DLG1: variants seen among roughly 807,000 people sequenced by gnomAD.
DLG1 encodes the protein disks large homolog 1.
Under a neutral mutation model 123.4 loss-of-function variants are expected in DLG1, and 42 were observed. The ratio of observed to expected loss-of-function variants is 0.34; its 90% CI spans 0.27 to 0.44. DLG1 has a LOEUF of 0.44. DLG1 is among the 20% of genes least tolerant of loss of function. The probability of loss-of-function intolerance (pLI) is 1.00; values close to 1 mark genes in which losing one functional copy is unlikely to be tolerated. For synonymous variants in DLG1, 317 were observed against 356.2 expected (o/e 0.89, Z 1.24); for missense variants, 942 against 1,082.6 (o/e 0.87, Z 1.82).
intron 4 of DLG1, among the ~76,000 whole-genome samples, chr3:197,247,454 T>C (rs925812781): frequency 3.9e-5 from 6 of 152,120 alleles, no homozygotes; most frequent in Non-Finnish European, 8.8e-5. Context: ...AGCTGGTTTC[T>C]GGCTTGCCCC....
At chr3:197,069,330 A>G in intron 18 of DLG1, 70 bp from the exon 19 acceptor site, 1 of 1,087,570 alleles carries the variant, frequency 9.2e-7, no homozygotes, top group East Asian at 2.8e-5. Flanking sequence ...ATCAAAATGA[A>G]ATGTTGAGAT....
chr3:197,088,377 G>C (rs77433729), intron 15 of DLG1, among the ~76,000 whole-genome samples: 6,152 of 152,196 alleles, frequency 0.04, 178 homozygotes, highest in Non-Finnish European at 0.054. Context: ...GGGAGCTCCT[G>C]CAAAATAAAA....
chr3:197,155,635 A>C (rs59924983), intron 5 of DLG1, among the ~76,000 whole-genome samples: 1,648 of 152,226 alleles, frequency 0.011, 32 homozygotes, highest in African/African-American at 0.037. Flanking sequence ...AAAAAAAAAA[A>C]AAACTTAGCC....
chr3:197,130,247 C>T (rs956020971), intron 11 of DLG1, among the ~76,000 whole-genome samples: 2 of 152,032 alleles, frequency 1.3e-5, no homozygotes, highest in African/African-American at 4.8e-5. Context: ...TCAATATTTG[C>T]AAATGTTCTT....
At chr3:197,245,121 T>G (rs2150780638) in intron 4 of DLG1, among the ~76,000 whole-genome samples, 1 of 152,306 alleles carries the variant, frequency 6.6e-6, no homozygotes, top group Non-Finnish European at 1.5e-5. Flanking sequence ...AGGGTTTGGT[T>G]CATTCTTTCT....
At chr3:197,169,056 T>G (rs12487014) in intron 5 of DLG1, among the ~76,000 whole-genome samples, 20,967 of 152,260 alleles carry the variant, frequency 0.14, 1,825 homozygotes, top group South Asian at 0.35. Flanking sequence ...AGCTTTATAT[T>G]TTAAATCTAA....
chr3:197,124,891 T>A (rs773048098), intron 11 of DLG1, among the ~76,000 whole-genome samples: 1 of 152,128 alleles, frequency 6.6e-6, no homozygotes, highest in East Asian at 1.9e-4. Flanking sequence ...TATGTAAACA[T>A]GTTCGTGTGC....
Position 197,244,635 on chromosome 3 carries a change from G to A in DLG1, c.318+38044C>T, listed in dbSNP as rs192446295. Reference sequence around the variant, plus strand: ...CTTTAGCTTGGTAGGAATTGGTCTCGGAACAATAGCGCATGACTTTGAAGA... The same window carrying A: ...CTTTAGCTTGGTAGGAATTGGTCTCAGAACAATAGCGCATGACTTTGAAGA... On this transcript the variant is annotated intron_variant, in intron 4 of 24. Transcript: ENST00000667157. Among the ~76,000 whole-genome samples, 100 of 151,812 alleles carry A rather than the reference G, an allele frequency of 6.6e-4. 1 individual carries two copies. Among genetic ancestry groups the A allele is most frequent in the African/African-American group, 9.9e-4 (41 of 41,364 alleles).
intron 4 of DLG1, among the ~76,000 whole-genome samples, chr3:197,261,061 C>CA (rs930995813): frequency 1.3e-4 from 20 of 151,670 alleles, no homozygotes; most frequent in East Asian, 1.9e-4. Flanking sequence ...CCCCACACAC[C>CA]AAAAAAAACC....
At chr3:197,056,168 A>G (rs1560357144) in intron 23 of DLG1, among the ~76,000 whole-genome samples, 1 of 152,202 alleles carries the variant, frequency 6.6e-6, no homozygotes, top group Non-Finnish European at 1.5e-5. Context: ...GATCCGAAAT[A>G]GTAACATCAG....
chr3:197,238,871 T>C (rs917686426), intron 4 of DLG1, among the ~76,000 whole-genome samples: 2 of 151,986 alleles, frequency 1.3e-5, no homozygotes, highest in Admixed American at 6.6e-5. Context: ...AATGCTTACA[T>C]TACAAAACAA....
chr3:197,247,886 T>C (rs404377), intron 4 of DLG1, among the ~76,000 whole-genome samples: 111,780 of 151,942 alleles, frequency 0.74, 41,221 homozygotes, highest in East Asian at 0.81. Context: ...TTAACCCCAC[T>C]TACTGGAGGT....
chr3:197,284,238 G>A (rs918629128), intron 3 of DLG1, among the ~76,000 whole-genome samples: 3 of 152,100 alleles, frequency 2.0e-5, no homozygotes, highest in Non-Finnish European at 4.4e-5. Context: ...CTTGTACAGT[G>A]AGGATAATAT....
At chr3:197,294,166 G>GA (rs1483457317) in intron 3 of DLG1, among the ~76,000 whole-genome samples, 2 of 152,096 alleles carry the variant, frequency 1.3e-5, no homozygotes, top group South Asian at 4.2e-4. Context: ...TTATAGCATG[G>GA]AAACACACAG....
chr3:197,295,674 T>C (rs1305552125), intron 3 of DLG1, among the ~76,000 whole-genome samples: 1 of 152,188 alleles, frequency 6.6e-6, no homozygotes, highest in Non-Finnish European at 1.5e-5. Flanking sequence ...TTAAACCCAT[T>C]CTGTCATTTC....
At chr3:197,241,713 G>T (rs1748971946) in intron 4 of DLG1, among the ~76,000 whole-genome samples, 1 of 152,092 alleles carries the variant, frequency 6.6e-6, no homozygotes, top group South Asian at 2.1e-4. Context: ...GTTAAATTGT[G>T]GAAGTTCTTT....
At chr3:197,127,317 G>C (rs1019263756) in intron 11 of DLG1, among the ~76,000 whole-genome samples, 2 of 148,546 alleles carry the variant, frequency 1.3e-5, no homozygotes, top group Non-Finnish European at 3.0e-5. Flanking sequence ...CTGCTACTAG[G>C]GGGGCTGAGG....
intron 9 of DLG1, 40 bp downstream of exon 9, chr3:197,138,182 G>A (rs772495226): frequency 1.7e-5 from 22 of 1,290,554 alleles, no homozygotes; most frequent in Non-Finnish European, 1.0e-6. Context: ...TTAACTCAGA[G>A]ATTTCTTAAA....
chr3:197,224,626 T>C (rs956508979), intron 4 of DLG1, among the ~76,000 whole-genome samples: 1 of 152,218 alleles, frequency 6.6e-6, no homozygotes, highest in African/African-American at 2.4e-5. Flanking sequence ...CTTTTTCTTG[T>C]GCAATCATTT....
Sources: gnomAD v4.1 joint callset for allele counts (sites outside exome capture counted in the v4.1 genomes callset) on GRCh38, gnomAD v4.1.1 for gene constraint, MANE v1.5 for transcripts, NCBI Gene and HGNC (gene_info 2026-07-23, HGNC 2026-07-21) for gene names.